SNTG1: variants seen among roughly 807,000 people sequenced by gnomAD.
The protein encoded by SNTG1 is syntrophin gamma 1.
In SNTG1, 39 loss-of-function variants were observed where a neutral mutation model predicts 74.7. The ratio of observed to expected loss-of-function variants is 0.52; its 90% confidence interval spans 0.40 to 0.68. The LOEUF (loss-of-function observed/expected upper bound fraction) is 0.68. Ranked by LOEUF, SNTG1 falls within the 30% of genes least tolerant of loss-of-function variation. The probability of loss-of-function intolerance (pLI) is 0.00; values close to 1 mark genes in which losing one functional copy is unlikely to be tolerated. For missense variants in SNTG1, 685 were observed against 609.5 expected (o/e 1.12, Z -1.30); for synonymous variants, 254 against 217.1 (o/e 1.17, Z -1.49).
intron 2 of SNTG1, among the ~76,000 whole-genome samples, chr8:50,200,519 T>G (rs1299920892): frequency 2.0e-5 from 3 of 152,156 alleles, no homozygotes; most frequent in African/African-American, 7.2e-5. Context: ...GAAAGATGTG[T>G]ACTTGTAATT....
At chr8:50,051,702 G>A (rs1301591755) in intron 1 of SNTG1, among the ~76,000 whole-genome samples, 1 of 151,962 alleles carries the variant, frequency 6.6e-6, no homozygotes, top group Non-Finnish European at 1.5e-5. Context: ...CTGCCGTTCT[G>A]CCACCCAGTA....
At chr8:50,159,084 G>A (rs951305813) in intron 1 of SNTG1, among the ~76,000 whole-genome samples, 5 of 151,868 alleles carry the variant, frequency 3.3e-5, no homozygotes, top group Admixed American at 1.3e-4. Flanking sequence ...TTTGATGACC[G>A]GCCGTTTGGG....
intron 13 of SNTG1, among the ~76,000 whole-genome samples, chr8:50,629,864 C>T (rs893721054): frequency 1.1e-4 from 17 of 152,032 alleles, no homozygotes; most frequent in African/African-American, 3.9e-4. Flanking sequence ...TAGGGACGAC[C>T]AATTGTCTGA....
intron 18 of SNTG1, among the ~76,000 whole-genome samples, chr8:50,781,010 G>C (rs181069108): frequency 6.6e-6 from 1 of 152,132 alleles, no homozygotes; most frequent in East Asian, 1.9e-4. Flanking sequence ...GTAGTTGAGC[G>C]GTTTTGAGTG....
chr8:50,570,659 C>T (rs1286595549), intron 12 of SNTG1, among the ~76,000 whole-genome samples: 1 of 150,680 alleles, frequency 6.6e-6, no homozygotes, highest in Non-Finnish European at 1.5e-5. Context: ...GACTGGAGTG[C>T]TGTGGCATGA....
chr8:50,252,976 G>A (rs990501710), intron 2 of SNTG1, among the ~76,000 whole-genome samples: 1 of 152,126 alleles, frequency 6.6e-6, no homozygotes, highest in African/African-American at 2.4e-5. Flanking sequence ...ACCACAATAA[G>A]ATACACCCTC....
chr8:50,738,082 G>A (rs1181397162), intron 17 of SNTG1, among the ~76,000 whole-genome samples: 1 of 151,760 alleles, frequency 6.6e-6, no homozygotes, highest in African/African-American at 2.4e-5. Flanking sequence ...GAGAAAGAAA[G>A]AAAGGATATT....
chr8:50,670,268 G>C (rs1331096286), intron 15 of SNTG1, among the ~76,000 whole-genome samples: 1 of 152,156 alleles, frequency 6.6e-6, no homozygotes, highest in Non-Finnish European at 1.5e-5. Context: ...GTTTGCAGAT[G>C]ACATGATTGT....
chr8:50,559,982 A>G (rs1384548458), intron 12 of SNTG1, among the ~76,000 whole-genome samples: 1 of 152,168 alleles, frequency 6.6e-6, no homozygotes, highest in Non-Finnish European at 1.5e-5. Context: ...CCATCTGACA[A>G]AGGCCTAATA....
intron 18 of SNTG1, among the ~76,000 whole-genome samples, chr8:50,766,645 C>A (rs1321447790): frequency 6.6e-6 from 1 of 151,574 alleles, no homozygotes; most frequent in East Asian, 1.9e-4. Flanking sequence ...CTCCTGTGTC[C>A]CCATCTCAAA....
chr8:50,022,721 A>G (rs1297629102), intron 1 of SNTG1, among the ~76,000 whole-genome samples: 1 of 152,200 alleles, frequency 6.6e-6, no homozygotes, highest in Non-Finnish European at 1.5e-5. Flanking sequence ...CTGAGCTGCC[A>G]GAGCATACAT....
intron 2 of SNTG1, among the ~76,000 whole-genome samples, chr8:50,231,263 A>G (rs1199243210): frequency 8.6e-5 from 13 of 151,370 alleles, no homozygotes; most frequent in African/African-American, 3.1e-4. Context: ...AGAAAAGGGA[A>G]CCCTCATACA....
chr8:50,711,206 G>A (rs2095460684), intron 17 of SNTG1, among the ~76,000 whole-genome samples: 1 of 152,008 alleles, frequency 6.6e-6, no homozygotes, highest in Non-Finnish European at 1.5e-5. Flanking sequence ...ATCAAAACAT[G>A]CTTTGTCTAA....
chr8:50,279,877 C>G (rs920289991), intron 2 of SNTG1, among the ~76,000 whole-genome samples: 1 of 152,150 alleles, frequency 6.6e-6, no homozygotes, highest in East Asian at 1.9e-4. Flanking sequence ...GGACTTCAAT[C>G]AATGCCTTCC....
chr8:49,972,457 C>T (rs318899), intron 1 of SNTG1, among the ~76,000 whole-genome samples: 5,764 of 152,112 alleles, frequency 0.038, 376 homozygotes, highest in African/African-American at 0.13. Flanking sequence ...TAGGCATGGG[C>T]GAGGACTTCA....
intron 1 of SNTG1, among the ~76,000 whole-genome samples, chr8:50,169,831 C>T (rs2082742848): frequency 6.6e-6 from 1 of 152,092 alleles, no homozygotes; most frequent in South Asian, 2.1e-4. Context: ...ATCCCAGCTA[C>T]TTGGGTGGTT....
rs1032831784 is a variant in SNTG1 at position 50,496,073 on chromosome 8, G to A, written c.364-6705G>A. Among the ~76,000 whole-genome samples, 6 of 152,134 alleles carry A rather than the reference G, an allele frequency of 3.9e-5. No homozygotes were observed. The South Asian group carries it at 1.0e-3, about 26-fold the overall frequency. On this transcript the variant is annotated intron_variant, in intron 8 of 18. Coordinates refer to ENST00000642720, the MANE Select transcript of SNTG1 (RefSeq NM_018967.5). ...AAAGTGTGTTATAGTTTCTAGATTA[G>A]CCTAGTTATTTTATCTGTAAAGTGA...
intron 1 of SNTG1, among the ~76,000 whole-genome samples, chr8:50,085,320 C>T (rs1247677676): frequency 6.6e-6 from 1 of 152,210 alleles, no homozygotes; most frequent in Non-Finnish European, 1.5e-5. Flanking sequence ...TTAAATGTCA[C>T]AATTCACAAA....
chr8:50,027,617 G>T (rs1313092518), intron 1 of SNTG1, among the ~76,000 whole-genome samples: 1 of 152,130 alleles, frequency 6.6e-6, no homozygotes, highest in Non-Finnish European at 1.5e-5. Flanking sequence ...GAAAAGGCAA[G>T]GGGGCATTCT....
Sources: allele counts gnomAD v4.1 joint callset (sites outside exome capture counted in the v4.1 genomes callset), GRCh38; gene constraint gnomAD v4.1.1; transcripts MANE v1.5; gene names NCBI Gene and HGNC (gene_info 2026-07-23, HGNC 2026-07-21).